Variants in PAX5 observed in about 807,000 individuals in gnomAD.
PAX5 encodes the protein paired box protein Pax-5.
PAX5 carries 9 observed loss-of-function variants against 43.7 expected under a neutral mutation model. That is an observed-to-expected ratio of 0.21 (90% CI 0.12 to 0.36). The LOEUF is 0.36. Ranked by LOEUF, PAX5 falls within the 10% of genes least tolerant of loss-of-function variation. The pLI, the probability that PAX5 is intolerant of heterozygous loss-of-function variation, is 1.00. For synonymous variants in PAX5, 228 were observed against 214.3 expected (o/e 1.06, Z -0.56); for missense variants, 383 against 532.7 (o/e 0.72, Z 2.77).
At chr9:36,957,752 C>T (rs1329819522) in intron 6 of PAX5, among the ~76,000 whole-genome samples, 1 of 152,122 alleles carries the variant, frequency 6.6e-6, no homozygotes, top group Non-Finnish European at 1.5e-5. Context: ...TCCAGCCTAC[C>T]ATCTCCTTCT....
intron 7 of PAX5, among the ~76,000 whole-genome samples, chr9:36,884,781 T>C (rs1247439899): frequency 6.6e-6 from 1 of 152,130 alleles, no homozygotes; most frequent in Non-Finnish European, 1.5e-5. Flanking sequence ...AAAATTTCGG[T>C]GAAATAGCCA....
intron 6 of PAX5, among the ~76,000 whole-genome samples, chr9:36,924,845 G>GGGAA (rs1563973889): frequency 0.051 from 39 of 768 alleles, no homozygotes; most frequent in African/African-American, 0.063. Context: ...GAGAAAGGGA[G>GGGAA]GGAGGGAGGA....
chr9:36,859,320 C>T (rs181506829), intron 8 of PAX5, among the ~76,000 whole-genome samples: 50 of 152,250 alleles, frequency 3.3e-4, no homozygotes, highest in Non-Finnish European at 5.7e-4. Context: ...GTATGAAAGC[C>T]GGGCCGGGCT....
chr9:36,933,108 C>A (rs1373415710), intron 6 of PAX5, among the ~76,000 whole-genome samples: 1 of 143,588 alleles, frequency 7.0e-6, no homozygotes, highest in Non-Finnish European at 1.5e-5. Flanking sequence ...CGCACCACTG[C>A]ATTCCAGCCT....
intron 5 of PAX5, among the ~76,000 whole-genome samples, chr9:36,977,106 G>A (rs1452438374): frequency 6.6e-6 from 1 of 152,146 alleles, no homozygotes; most frequent in Non-Finnish European, 1.5e-5. Context: ...CTGAGAAGCA[G>A]ACACAGCCCT....
intron 8 of PAX5, among the ~76,000 whole-genome samples, chr9:36,859,194 C>A (rs569154817): frequency 6.6e-6 from 1 of 152,232 alleles, no homozygotes; most frequent in African/African-American, 2.4e-5. Flanking sequence ...CTGGAAGAGG[C>A]GGAGATGAAT....
At chr9:37,007,210 G>A (rs527323370) in intron 3 of PAX5, among the ~76,000 whole-genome samples, 1 of 152,200 alleles carries the variant, frequency 6.6e-6, no homozygotes, top group East Asian at 1.9e-4. Context: ...ATCCTGGCCT[G>A]TCTTTTCAGA....
chr9:36,901,389 G>A (rs573328455), intron 7 of PAX5, among the ~76,000 whole-genome samples: 87 of 152,142 alleles, frequency 5.7e-4, no homozygotes, highest in African/African-American at 1.7e-3. Context: ...ACCCAGCCTC[G>A]GGAAGTGGCC....
At chr9:36,934,395 GT>G (rs1831380497) in intron 6 of PAX5, among the ~76,000 whole-genome samples, 1 of 152,240 alleles carries the variant, frequency 6.6e-6, no homozygotes. Flanking sequence ...AATCCTTGCA[GT>G]GGTAGAAATA....
intron 5 of PAX5, among the ~76,000 whole-genome samples, chr9:36,981,264 T>C (rs1835906738): frequency 6.8e-6 from 1 of 146,696 alleles, no homozygotes. Context: ...AACAGCATGC[T>C]GCTTATTTTC....
chr9:36,842,430 A>G (rs951574059), intron 9 of PAX5, among the ~76,000 whole-genome samples: 2 of 149,978 alleles, frequency 1.3e-5, no homozygotes, highest in African/African-American at 2.5e-5. Context: ...CCCTGGCTTG[A>G]CCCTCCAAGC....
At position 36,875,415 on chromosome 9, in the gene PAX5, G is replaced by A. The variant is rs190852522; in HGVS notation, c.1012+6589C>T. On this transcript the variant is annotated intron_variant, in intron 8 of 9. Coordinates refer to ENST00000358127, the MANE Select transcript of PAX5 (RefSeq NM_016734.3). ...CATACAGACCTGAAGAGAAGCCGGA[G>A]GGGAACGAGTAAACCACACACTAAA... is the stretch of plus-strand genomic sequence containing the variant. 3.3e-4 allele frequency among the ~76,000 whole-genome samples: 51 copies of A among 152,314 alleles called. No individual in the cohort carries two copies. The Middle Eastern group carries it at 0.01, about 30-fold the overall frequency.
intron 5 of PAX5, among the ~76,000 whole-genome samples, chr9:36,976,910 T>C (rs1835482603): frequency 6.6e-6 from 1 of 152,150 alleles, no homozygotes; most frequent in South Asian, 2.1e-4. Flanking sequence ...CAAGGTGAGC[T>C]TGGACATGAG....
chr9:36,923,958 C>T (rs2131972012), intron 6 of PAX5, among the ~76,000 whole-genome samples: 1 of 152,326 alleles, frequency 6.6e-6, no homozygotes, highest in Admixed American at 6.5e-5. Flanking sequence ...GGGAGATCAT[C>T]CATTCCAAAT....
intron 6 of PAX5, among the ~76,000 whole-genome samples, chr9:36,964,827 CCCAGCACCATAACCATGT>C: frequency 6.6e-6 from 1 of 152,254 alleles, no homozygotes. Context: ...GGCGGCTATG[CCCAGCACCATAACCATGT>C]CCTACCCAAC....
At chr9:36,968,719 G>A (rs76491771) in intron 5 of PAX5, among the ~76,000 whole-genome samples, 20,043 of 152,152 alleles carry the variant, frequency 0.13, 1,459 homozygotes, top group African/African-American at 0.18. Flanking sequence ...CAAGACAGGT[G>A]CCTGCTCCTG....
At position 36,930,304 on chromosome 9, in the gene PAX5, G is replaced by T. The variant is rs114278802; in HGVS notation, c.781-6820C>A. Among the ~76,000 whole-genome samples, 298 of 136,704 alleles carry T rather than the reference G, an allele frequency of 2.2e-3. 1 individual carries two copies. The highest frequency in any genetic ancestry group is 8.1e-3 in the African/African-American group (289 of 35,838). The allele number at this position is 136,704 out of a possible 152,430, so 89.7% of individuals were successfully genotyped here. On this transcript the variant is annotated intron_variant, in intron 6 of 9. Coordinates refer to ENST00000358127, the MANE Select transcript of PAX5 (RefSeq NM_016734.3). Reference sequence around the variant, plus strand: ...AGTGTCACAATCATGGCTCACTGCTGCCTCAACCTCCCAGGCCCAAGGGAT... The same window carrying T: ...AGTGTCACAATCATGGCTCACTGCTTCCTCAACCTCCCAGGCCCAAGGGAT...
At chr9:36,967,420 GA>G (rs1834540321) in intron 5 of PAX5, among the ~76,000 whole-genome samples, 1 of 152,200 alleles carries the variant, frequency 6.6e-6, no homozygotes, top group Non-Finnish European at 1.5e-5. Context: ...TGTAGCAAAA[GA>G]CTGGAAACAA....
chr9:36,935,748 G>A (rs1017179672), intron 6 of PAX5, among the ~76,000 whole-genome samples: 3 of 152,216 alleles, frequency 2.0e-5, no homozygotes, highest in Non-Finnish European at 4.4e-5. Context: ...CACCAAATGG[G>A]TATCTCCAGT....
Sources: gnomAD v4.1 joint callset for allele counts (sites outside exome capture counted in the v4.1 genomes callset) on GRCh38, gnomAD v4.1.1 for gene constraint, MANE v1.5 for transcripts, NCBI Gene and HGNC (gene_info 2026-07-23, HGNC 2026-07-21) for gene names.